Variants in LAMB2 observed in about 807,000 individuals in gnomAD.
The protein encoded by LAMB2 is laminin subunit beta-2.
LAMB2 carries 119 observed loss-of-function variants against 202.7 expected under a neutral mutation model. The ratio of observed to expected loss-of-function variants is 0.59; its 90% CI spans 0.51 to 0.68. The LOEUF (loss-of-function observed/expected upper bound fraction) is 0.68. Ranked by LOEUF, LAMB2 falls within the 30% of genes least tolerant of loss-of-function variation. LAMB2 has a pLI of 0.00. For missense variants in LAMB2, 2,124 were observed against 2,410.6 expected (o/e 0.88, Z 2.49); for synonymous variants, 818 against 902.2 (o/e 0.91, Z 1.67).
Position 49,126,124 on chromosome 3 carries a change from C to T in LAMB2, c.2187G>A (p.Met729Ile). The T allele has an allele frequency of 6.2e-7, 1 of 1,613,554 alleles. No individual in the cohort carries two copies. The highest frequency in any genetic ancestry group is 1.3e-5 in the African/African-American group (1 of 75,046). ...GGGCAGCAGCATCACCCCCACTAAACATCTCTAGCACCAGGACACGGGGCA... is the reference window on the plus strand; with the variant it reads ...GGGCAGCAGCATCACCCCCACTAAATATCTCTAGCACCAGGACACGGGGCA... ...VLLPRVLVLE[M>I]FSGGDAAALE... Residue 729 changes from methionine to isoleucine, a missense_variant, in exon 17 of 32, where the codon ATG (methionine) becomes ATA (isoleucine). Met to Ile is a conservative substitution (Grantham distance 10). Around this residue, in one of 3 missense-constraint regions of LAMB2, gnomAD observed 1,702 missense variants for 1,896.3 expected, o/e 0.90. Coordinates refer to ENST00000305544, the MANE Select transcript of LAMB2 (RefSeq NM_002292.4).
intron 27 of LAMB2, 42 bp from the exon 28 acceptor site, chr3:49,122,412 G>A (rs1560068905): frequency 3.8e-6 from 6 of 1,577,194 alleles, no homozygotes; most frequent in Non-Finnish European, 5.2e-6. Flanking sequence ...AGATTCTCCA[G>A]CATGGGCATG....
At position 49,131,387 on chromosome 3, in the gene LAMB2, C is replaced by T. The variant is rs767154519; in HGVS notation, c.704G>A (p.Arg235Gln). 6.8e-6 allele frequency: 11 copies of T among 1,613,880 alleles called. No individual in the cohort carries two copies. Among genetic ancestry groups the T allele is most frequent in the Admixed American group, 6.7e-5 (4 of 59,996 alleles). The change falls in exon 6 of 32, where the codon CGG (arginine) becomes CAG (glutamine). Residue 235 changes from arginine to glutamine, a missense_variant. By Grantham distance (43) the Arg-to-Gln change is conservative. Transcript: ENST00000305544. The surrounding 1 kb of genome is among the most constrained non-coding windows in gnomAD (Gnocchi z 5.0). The part of the protein sequence containing the change: ...AIPIPDPYSS[R>Q]IQNLLKITNL... ...AAGGGTGGAGCACTCACTCTGAATC[C>T]GTGAGCTGTAGGGGTCTGGGATAGG...
Position 49,123,513 on chromosome 3 carries a change from C to T in LAMB2, c.3916G>A (p.Ala1306Thr). 1 of 1,614,210 alleles carries T rather than the reference C, an allele frequency of 6.2e-7. No individual in the cohort carries two copies. The highest frequency in any genetic ancestry group is 8.5e-7 in the Non-Finnish European group (1 of 1,180,042). The change falls in exon 25 of 32, where the codon GCA becomes ACA. Residue 1306 changes from alanine to threonine, a missense_variant. Transcript: ENST00000305544. ...AGCTGCCGCAGTGTGAGATTAAGTG[C>T]AAGCCTATCTCGCTCCAGACCACTT... The part of the protein sequence containing the change: ...ALSGLERDRL[A>T]LNLTLRQLDQ...
In LAMB2 at chr3:49,129,366, G is replaced by A. The variant is rs749544760; in HGVS notation, c.1519-42C>T. The A allele has an allele frequency of 6.4e-7, 1 of 1,554,140 alleles. No homozygotes were observed. The highest frequency in any genetic ancestry group is 1.1e-5 in the South Asian group (1 of 88,716). ...GCTGGGGGCCAGAAACAGACCTCCA[G>A]ACCCCATCACCACCCAGCAGGAAAT... On this transcript the variant is annotated intron_variant, in intron 11 of 31. Transcript: ENST00000305544. This position sits in a 1 kb window ranked among gnomAD's most constrained non-coding sequence, Gnocchi z 6.1.
Position 49,132,090 on chromosome 3 carries a change from G to C in LAMB2, c.459+26C>G, listed in dbSNP as rs773030097. ...AATGGAGAGCCAAGCAGGGTGATTC[G>C]GGCAGGCTCCCAGATATGCAGGCAC... On this transcript the variant is annotated intron_variant, in intron 4 of 31. Coordinates refer to ENST00000305544, the MANE Select transcript of LAMB2 (RefSeq NM_002292.4). This position sits in a 1 kb window ranked among gnomAD's most constrained non-coding sequence, Gnocchi z 4.6. The C allele has an allele frequency of 1.5e-5, 24 of 1,607,510 alleles. No homozygotes were observed. Among genetic ancestry groups the C allele is most frequent in the Non-Finnish European group, 1.7e-6 (2 of 1,174,272 alleles).
rs983273369 is a variant in LAMB2, at chr3:49,132,985, C to A, written c.-118G>T. 19 of 881,182 alleles carry A rather than the reference C, an allele frequency of 2.2e-5. 1 individual carries two copies. The highest frequency in any genetic ancestry group is 2.0e-4 in the African/African-American group (12 of 60,600). 54.6% of individuals were successfully genotyped at this position (881,182 alleles called of 1,614,324 possible). A position where few individuals can be genotyped will look rare whatever the true frequency, so the allele number is the denominator to read the frequency against. On this transcript the variant is annotated 5_prime_UTR_variant, in exon 1 of 32. Coordinates refer to ENST00000305544, the MANE Select transcript of LAMB2 (RefSeq NM_002292.4). The surrounding 1 kb of genome is among the most constrained non-coding windows in gnomAD (Gnocchi z 4.6). Reference sequence around the variant, plus strand: ...GGTCTTTGGCCTGTTTCCCTCCAGGCCCTCTGTCAGTTCCCAGGTCTGTCC... The same window carrying A: ...GGTCTTTGGCCTGTTTCCCTCCAGGACCTCTGTCAGTTCCCAGGTCTGTCC...
At position 49,123,063 on chromosome 3, in the gene LAMB2, C is replaced by T; in HGVS notation, c.4225-11G>A. On this transcript the variant is annotated splice_polypyrimidine_tract_variant and intron_variant, in intron 26 of 31. Coordinates refer to ENST00000305544, the MANE Select transcript of LAMB2 (RefSeq NM_002292.4). ...TGGTGCCCCACACACCTGCCAGGCA[C>T]AGAACAAGTCAGGGCCCTGTGAGAG... 1.9e-6 allele frequency: 3 copies of T among 1,606,552 alleles called. No homozygotes were observed. The highest frequency in any genetic ancestry group is 2.2e-5 in the East Asian group (1 of 44,888).
chr3:49,125,510 G>C (rs1233186454), intron 18 of LAMB2, 26 bp from the exon 19 acceptor site: 1 of 1,548,704 alleles, frequency 6.5e-7, no homozygotes, highest in Non-Finnish European at 8.8e-7. Context: ...AGCTGAGCCA[G>C]AGCCAGGGGA....
Position 49,121,191 on chromosome 3 carries a change from C to T in LAMB2, c.*35G>A, listed in dbSNP as rs745947431. The T allele has an allele frequency of 1.9e-6, 3 of 1,611,414 alleles. No homozygotes were observed. The African/African-American group carries it at 4.0e-5, about 21-fold the overall frequency. Reference sequence around the variant, plus strand: ...TGCATAGGCAGACATGCATGTGGGGCAGTGCTAGGAACTGGGGTAGGCCTT... The same window carrying T: ...TGCATAGGCAGACATGCATGTGGGGTAGTGCTAGGAACTGGGGTAGGCCTT... On this transcript the variant is annotated 3_prime_UTR_variant, in exon 32 of 32. Transcript: ENST00000305544.
chr3:49,129,822 G>C lies in LAMB2; in HGVS notation c.1405+17C>G, dbSNP rs902016429. On this transcript the variant is annotated intron_variant, in intron 10 of 31. Coordinates refer to ENST00000305544, the MANE Select transcript of LAMB2 (RefSeq NM_002292.4). The surrounding 1 kb of genome is among the most constrained non-coding windows in gnomAD (Gnocchi z 6.1). ...GGGTTAAAGGTCAGCATAGAAGTTA[G>C]GGCAGGAGACACATACGCCGGCAGC... is the stretch of plus-strand genomic sequence containing the variant. 2 of 1,613,610 alleles carry C rather than the reference G, an allele frequency of 1.2e-6. No individual in the cohort carries two copies. The highest frequency in any genetic ancestry group is 1.7e-6 in the Non-Finnish European group (2 of 1,179,950).
At position 49,130,674 on chromosome 3, in the gene LAMB2, A is replaced by G. The variant is rs1330288233; in HGVS notation, c.1036+66T>C. 17 of 1,606,356 alleles carry G rather than the reference A, an allele frequency of 1.1e-5. No homozygotes were observed. The highest frequency in any genetic ancestry group is 1.4e-5 in the Non-Finnish European group (16 of 1,177,270). On this transcript the variant is annotated intron_variant, in intron 8 of 31. Transcript: ENST00000305544. This position sits in a 1 kb window ranked among gnomAD's most constrained non-coding sequence, Gnocchi z 5.0. ...TTTAGGGGCTTGACCAACTAGCTCT[A>G]GGTTCTACCCAGGGCACAGCCAGGC...
At position 49,122,283 on chromosome 3, in the gene LAMB2, T is replaced by C; in HGVS notation, c.4661A>G (p.His1554Arg). 6.2e-7 allele frequency: 1 copy of C among 1,613,526 alleles called. No homozygotes were observed. Among genetic ancestry groups the C allele is most frequent in the Non-Finnish European group, 8.5e-7 (1 of 1,180,036 alleles). The change falls in exon 28 of 32, where the codon CAC (histidine) becomes CGC (arginine). Residue 1554 changes from histidine to arginine, a missense_variant. His to Arg is a conservative substitution (Grantham distance 29). Around this residue, in one of 3 missense-constraint regions of LAMB2, gnomAD observed 1,702 missense variants for 1,896.3 expected, o/e 0.90. Coordinates refer to ENST00000305544, the MANE Select transcript of LAMB2 (RefSeq NM_002292.4). ...SIPASAEQIQ[H>R]LAGAIAERVR... The stretch of plus-strand genomic sequence containing the variant: ...TCGCTCTGCAATCGCACCCGCCAGG[T>C]GCTGGATCTGCTCAGCTGAAGCTGG...
chr3:49,123,048 C>T lies in LAMB2; in HGVS notation c.4229G>A (p.Cys1410Tyr), dbSNP rs1392309672. 3 of 1,607,038 alleles carry T rather than the reference C, an allele frequency of 1.9e-6. No individual in the cohort carries two copies. The highest frequency in any genetic ancestry group is 2.5e-6 in the Non-Finnish European group (3 of 1,179,988). ...ACAGGGTGCATCCCCTGGTGCCCCA[C>T]ACACCTGCCAGGCACAGAACAAGTC... ...LSLTDINELV[C>Y]GAPGDAPCAT... The change falls in exon 27 of 32, where the codon TGT becomes TAT. Residue 1410 changes from cysteine to tyrosine, a missense_variant. This residue lies in a region of LAMB2 where 1,702 missense variants were observed against 1,896.3 expected (regional missense o/e 0.90). Coordinates refer to ENST00000305544, the MANE Select transcript of LAMB2 (RefSeq NM_002292.4).
rs376660822 is a variant in LAMB2, at chr3:49,126,125, A to G, written c.2186T>C (p.Met729Thr). ...GGCAGCAGCATCACCCCCACTAAAC[A>G]TCTCTAGCACCAGGACACGGGGCAG... ...VLLPRVLVLE[M>T]FSGGDAAALE... Residue 729 changes from methionine (M) to threonine (T), a missense_variant, in exon 17 of 32, where the codon ATG (methionine) becomes ACG (threonine). By Grantham distance (81) the Met-to-Thr change is moderately conservative (BLOSUM62 -1). This residue lies in a region of LAMB2 where 1,702 missense variants were observed against 1,896.3 expected (regional missense o/e 0.90). Coordinates refer to ENST00000305544, the MANE Select transcript of LAMB2 (RefSeq NM_002292.4). 2 of 1,613,498 alleles carry G rather than the reference A, an allele frequency of 1.2e-6. No individual in the cohort carries two copies. Among genetic ancestry groups the G allele is most frequent in the South Asian group, 1.1e-5 (1 of 91,086 alleles).
Position 49,121,199 on chromosome 3 carries a change from G to A in LAMB2, c.*27C>T. On this transcript the variant is annotated 3_prime_UTR_variant, in exon 32 of 32. Coordinates refer to ENST00000305544, the MANE Select transcript of LAMB2 (RefSeq NM_002292.4). ...CAGACATGCATGTGGGGCAGTGCTA[G>A]GAACTGGGGTAGGCCTTGGGCAGGG... 1.2e-6 allele frequency: 2 copies of A among 1,611,868 alleles called. No individual in the cohort carries two copies. The highest frequency in any genetic ancestry group is 2.2e-5 in the East Asian group (1 of 44,880).
rs1169315036 is a variant in LAMB2, at chr3:49,121,926, G to A, written c.4923+18C>T. 2 of 1,613,684 alleles carry A rather than the reference G, an allele frequency of 1.2e-6. No individual in the cohort carries two copies. Among genetic ancestry groups the A allele is most frequent in the Non-Finnish European group, 1.7e-6 (2 of 1,180,008 alleles). ...ATGCCCATAACCTTGTCCCACTGATGTCCTAGGAAGACCTCACCTGGTACA... is the reference window on the plus strand; with the variant it reads ...ATGCCCATAACCTTGTCCCACTGATATCCTAGGAAGACCTCACCTGGTACA... On this transcript the variant is annotated intron_variant, in intron 29 of 31. Coordinates refer to ENST00000305544, the MANE Select transcript of LAMB2 (RefSeq NM_002292.4).
rs754023884 is a variant in LAMB2 at position 49,123,537 on chromosome 3, T to G, written c.3892A>C (p.Ser1298Arg). 1.2e-5 allele frequency: 19 copies of G among 1,614,206 alleles called. No homozygotes were observed. Among genetic ancestry groups the G allele is most frequent in the Non-Finnish European group, 1.5e-5 (18 of 1,180,036 alleles). ...GCAAGCCTATCTCGCTCCAGACCACTTAGTGCATGGTTGGCATTGAAGTTC... is the reference window on the plus strand; with the variant it reads ...GCAAGCCTATCTCGCTCCAGACCACGTAGTGCATGGTTGGCATTGAAGTTC... ...DENFNANHAL[S>R]GLERDRLALN... Residue 1298 changes from serine to arginine, a missense_variant, in exon 25 of 32, where the codon AGT (serine) becomes CGT (arginine). By Grantham distance (110) the Ser-to-Arg change is moderately radical. Around this residue, in one of 3 missense-constraint regions of LAMB2, gnomAD observed 1,702 missense variants for 1,896.3 expected, o/e 0.90. Transcript: ENST00000305544.
Position 49,131,433 on chromosome 3 carries a change from G to A in LAMB2, c.658C>T (p.Arg220Cys), listed in dbSNP as rs773490060. The A allele has an allele frequency of 1.5e-5, 24 of 1,613,956 alleles. No homozygotes were observed. Among genetic ancestry groups the A allele is most frequent in the African/African-American group, 2.7e-5 (2 of 74,920 alleles). ...EPSTEGEVIYRVLDPAIPIPD... is the reference protein window; with the variant it reads ...EPSTEGEVIYCVLDPAIPIPD... Reference sequence around the variant, plus strand: ...ATAGGGATGGCAGGGTCCAGCACACGATAGATGACCTGGAGAAGCAGGGAG... The same window carrying A: ...ATAGGGATGGCAGGGTCCAGCACACAATAGATGACCTGGAGAAGCAGGGAG... Residue 220 changes from arginine to cysteine, a missense_variant, in exon 6 of 32, where the codon CGT becomes TGT. Transcript: ENST00000305544. This position sits in a 1 kb window ranked among gnomAD's most constrained non-coding sequence, Gnocchi z 5.0.
Position 49,122,207 on chromosome 3 carries a change from A to G in LAMB2, c.4737T>C (p.Asp1579=), listed in dbSNP as rs2045312855. 3.7e-6 allele frequency: 6 copies of G among 1,613,496 alleles called. No homozygotes were observed. In the South Asian group the frequency reaches 5.5e-5, roughly 15 times the overall value. Residue 1579 remains aspartate, a synonymous_variant, in exon 28 of 32, where the codon GAT becomes GAC. Coordinates refer to ENST00000305544, the MANE Select transcript of LAMB2 (RefSeq NM_002292.4). ...VDAILARTVG[D]VRRAEQLLQD... ...GCAGTAGCTGCTCGGCACGACGCAC[A>G]TCTCCTACAGTACGTGCCAGGATCG...
Sources: gnomAD v4.1 joint callset for allele counts on GRCh38, gnomAD v4.1.1 for gene constraint, gnomAD v4.1.1 regional missense constraint, Gnocchi (gnomAD v3.1) non-coding constraint, MANE v1.5 for transcripts, NCBI Gene and HGNC (gene_info 2026-07-23, HGNC 2026-07-21) for gene names.